Variants in PALLD observed in about 807,000 individuals in gnomAD.
PALLD encodes palladin.
PALLD carries 61 observed loss-of-function variants against 123.5 expected under a neutral mutation model. That is an observed-to-expected ratio of 0.49 (90% confidence interval 0.40 to 0.61). PALLD has a LOEUF of 0.61. Ranked by LOEUF, PALLD falls within the 20% of genes least tolerant of loss-of-function variation. The pLI, the probability that PALLD is intolerant of heterozygous loss-of-function variation, is 0.00. For synonymous variants in PALLD, 465 were observed against 496.4 expected (o/e 0.94, Z 0.84); for missense variants, 1,273 against 1,377.0 (o/e 0.92, Z 1.20).
At chr4:168,620,270 C>G (rs2149794374) in intron 2 of PALLD, among the ~76,000 whole-genome samples, 1 of 152,296 alleles carries the variant, frequency 6.6e-6, no homozygotes, top group Non-Finnish European at 1.5e-5. Flanking sequence ...GCCTGACCAA[C>G]ATGGTGAAAC....
intron 17 of PALLD, 120 bp from the exon 18 acceptor site, chr4:168,921,414 A>G (rs1761481527): frequency 1.6e-6 from 1 of 632,070 alleles, no homozygotes; most frequent in African/African-American, 1.9e-5. Context: ...TCCAAAAAAA[A>G]AAAAAAAAAA....
intron 2 of PALLD, among the ~76,000 whole-genome samples, chr4:168,582,597 C>G (rs185545443): frequency 2.0e-5 from 3 of 152,180 alleles, no homozygotes; most frequent in Admixed American, 1.3e-4. Context: ...TATTGAGGAA[C>G]ATTTCTTTGA....
At chr4:168,892,364 CTA>C (rs1754269412) in intron 11 of PALLD, among the ~76,000 whole-genome samples, 1 of 152,074 alleles carries the variant, frequency 6.6e-6, no homozygotes, top group African/African-American at 2.4e-5. Context: ...AGAAAGCTCT[CTA>C]TAATTATGTT....
At chr4:168,504,365 G>A (rs192843398) in intron 1 of PALLD, among the ~76,000 whole-genome samples, 2 of 152,294 alleles carry the variant, frequency 1.3e-5, no homozygotes, top group Non-Finnish European at 2.9e-5. Context: ...GGAGGCTAAG[G>A]TGGGCAGATC....
At chr4:168,761,487 G>C (rs752338629) in intron 10 of PALLD, among the ~76,000 whole-genome samples, 1 of 151,926 alleles carries the variant, frequency 6.6e-6, no homozygotes, top group African/African-American at 2.4e-5. Context: ...TCTGAGACGA[G>C]TCTCTCTCCG....
Position 168,621,402 on chromosome 4 carries a change from G to A in PALLD, c.909-46788G>A, listed in dbSNP as rs1027292704. Among the ~76,000 whole-genome samples the A allele has an allele frequency of 2.6e-5, 4 of 152,092 alleles. 1 individual carries two copies. In the South Asian group the frequency reaches 6.2e-4, roughly 24 times the overall value. On this transcript the variant is annotated intron_variant, in intron 2 of 21. Transcript: ENST00000505667. ...GAGAGAGGGTAAAAATCCCTAGCCC[G>A]CAAATGAGGATCTATGGAACTCCCG...
At chr4:168,617,600 G>A (rs1162391403) in intron 2 of PALLD, among the ~76,000 whole-genome samples, 1 of 152,120 alleles carries the variant, frequency 6.6e-6, no homozygotes, top group Non-Finnish European at 1.5e-5. Context: ...AAAGACTATA[G>A]GCAGAGTCAG....
intron 10 of PALLD, among the ~76,000 whole-genome samples, chr4:168,815,209 C>G (rs1457886734): frequency 1.3e-5 from 2 of 152,156 alleles, no homozygotes; most frequent in South Asian, 2.1e-4. Context: ...GTGACTGTTT[C>G]AATATTGCAG....
In PALLD at chr4:168,890,893, C is replaced by T. The variant is rs748767447; in HGVS notation, c.1965-29C>T. 12 of 1,613,190 alleles carry T rather than the reference C, an allele frequency of 7.4e-6. No individual in the cohort carries two copies. The Admixed American group carries it at 1.2e-4, about 16-fold the overall frequency. On this transcript the variant is annotated intron_variant, in intron 10 of 21. Coordinates refer to ENST00000505667, the MANE Select transcript of PALLD (RefSeq NM_001166108.2). ...TTGGATTTATATGCCTGACAACTAA[C>T]TATACTGCCTTGTGTTTTTATCCTG... is the stretch of plus-strand genomic sequence containing the variant.
Position 168,849,421 on chromosome 4 carries a change from G to A in PALLD, c.1965-41501G>A, listed in dbSNP as rs185371617. Reference sequence around the variant, plus strand: ...AGGTGATTTCTAGAATGCTCTGGCCGACTTAGCTGCAGAAGAAAAAGGAGA... The same window carrying A: ...AGGTGATTTCTAGAATGCTCTGGCCAACTTAGCTGCAGAAGAAAAAGGAGA... On this transcript the variant is annotated intron_variant, in intron 10 of 21. Transcript: ENST00000505667. Among the ~76,000 whole-genome samples the A allele has an allele frequency of 3.1e-3, 468 of 152,296 alleles. 1 individual carries two copies. Among genetic ancestry groups the A allele is most frequent in the Non-Finnish European group, 5.5e-3 (375 of 68,028 alleles).
At chr4:168,627,079 G>A (rs974943111) in intron 2 of PALLD, among the ~76,000 whole-genome samples, 8 of 152,162 alleles carry the variant, frequency 5.3e-5, no homozygotes, top group African/African-American at 1.9e-4. Context: ...GATTGAGATG[G>A]TATATTTTAT....
chr4:168,597,467 C>T (rs1399784399), intron 2 of PALLD, among the ~76,000 whole-genome samples: 4 of 151,988 alleles, frequency 2.6e-5, no homozygotes, highest in Non-Finnish European at 5.9e-5. Flanking sequence ...ACATATACCA[C>T]AAACATTGCA....
At chr4:168,621,469 T>C (rs2149797094) in intron 2 of PALLD, among the ~76,000 whole-genome samples, 1 of 152,212 alleles carries the variant, frequency 6.6e-6, no homozygotes, top group African/African-American at 2.4e-5. Flanking sequence ...AGAAAAAAGG[T>C]GCCCTGCTCC....
At chr4:168,771,830 C>T (rs1269712118) in intron 10 of PALLD, among the ~76,000 whole-genome samples, 1 of 152,138 alleles carries the variant, frequency 6.6e-6, no homozygotes, top group Non-Finnish European at 1.5e-5. Flanking sequence ...AGGTATAAGT[C>T]CCCCTTCCCT....
At chr4:168,908,132 A>G (rs1221289972) in intron 15 of PALLD, among the ~76,000 whole-genome samples, 1 of 152,198 alleles carries the variant, frequency 6.6e-6, no homozygotes, top group Non-Finnish European at 1.5e-5. Context: ...GTTTCTGAGC[A>G]TGTTGCCTAG....
intron 2 of PALLD, among the ~76,000 whole-genome samples, chr4:168,646,345 G>A (rs1168968031): frequency 6.6e-6 from 1 of 152,126 alleles, no homozygotes; most frequent in Non-Finnish European, 1.5e-5. Flanking sequence ...GATGACTTCG[G>A]GGCCACCAGC....
chr4:168,839,212 C>T (rs904657771), intron 10 of PALLD, among the ~76,000 whole-genome samples: 4 of 152,142 alleles, frequency 2.6e-5, no homozygotes, highest in Non-Finnish European at 5.9e-5. Flanking sequence ...CTCAGCCTCC[C>T]AAAGTGGTGG....
At chr4:168,618,491 A>G (rs1774440184) in intron 2 of PALLD, among the ~76,000 whole-genome samples, 1 of 152,180 alleles carries the variant, frequency 6.6e-6, no homozygotes, top group Non-Finnish European at 1.5e-5. Flanking sequence ...ATACTCGTAC[A>G]GGTAAGCCAC....
intron 10 of PALLD, among the ~76,000 whole-genome samples, chr4:168,746,445 C>T (rs1315666768): frequency 8.1e-6 from 1 of 123,084 alleles, no homozygotes; most frequent in Non-Finnish European, 1.7e-5. Flanking sequence ...CTGGTAGTAA[C>T]ACCTGAGACA....
Sources: allele counts gnomAD v4.1 joint callset (sites outside exome capture counted in the v4.1 genomes callset), GRCh38; gene constraint gnomAD v4.1.1; transcripts MANE v1.5; gene names NCBI Gene and HGNC (gene_info 2026-07-23, HGNC 2026-07-21).